ANXA7: variants seen among roughly 807,000 people sequenced by gnomAD.
ANXA7 encodes the protein annexin VII.
A neutral mutation model predicts 64.9 loss-of-function variants in ANXA7; 55 were observed. That is an observed-to-expected ratio of 0.85 (90% CI 0.68 to 1.06). The LOEUF (loss-of-function observed/expected upper bound fraction) is 1.06. Ranked by LOEUF, ANXA7 falls within the 50% of genes least tolerant of loss-of-function variation. ANXA7 has a pLI of 0.00. For synonymous variants in ANXA7, 200 were observed against 192.4 expected, an observed-to-expected ratio of 1.04 and a Z score of -0.33; for missense variants, 548 against 582.1, an observed-to-expected ratio of 0.94 and a Z score of 0.60.
chr10:73,397,904 T>C (rs2055601564), intron 3 of ANXA7, among the ~76,000 whole-genome samples: 1 of 152,192 alleles, frequency 6.6e-6, no homozygotes, highest in Admixed American at 6.5e-5. Context: ...AATCAGGTCT[T>C]AAGACTACAA....
chr10:73,404,604 G>A (rs537833988), intron 1 of ANXA7, among the ~76,000 whole-genome samples: 1 of 152,126 alleles, frequency 6.6e-6, no homozygotes, highest in Non-Finnish European at 1.5e-5. Flanking sequence ...AACTGCTCAC[G>A]CTGGGTGATG....
chr10:73,398,795 CATA>C (rs766276216), intron 2 of ANXA7, among the ~76,000 whole-genome samples: 3 of 152,092 alleles, frequency 2.0e-5, no homozygotes, highest in Non-Finnish European at 4.4e-5. Flanking sequence ...GGATCTGTTA[CATA>C]ATATTTAAAA....
intron 2 of ANXA7, among the ~76,000 whole-genome samples, chr10:73,399,387 C>A (rs779998414): frequency 2.0e-5 from 3 of 152,192 alleles, no homozygotes; most frequent in South Asian, 4.1e-4. Context: ...GGGAACATAT[C>A]CATAATTCTC....
At chr10:73,395,786 C>CAAAAAAAAAA (rs10718150) in intron 5 of ANXA7, 2 of 368,068 alleles carry the variant, frequency 5.4e-6, no homozygotes, top group Admixed American at 4.2e-5. Flanking sequence ...AACTCCATCT[C>CAAAAAAAAAA]AAAAAAAAAA....
intron 5 of ANXA7, among the ~76,000 whole-genome samples, chr10:73,389,909 G>A (rs139946799): frequency 1.3e-5 from 2 of 152,278 alleles, no homozygotes; most frequent in Admixed American, 6.5e-5. Context: ...ACAGGTGTGC[G>A]GCCAGCCCAG....
At chr10:73,401,119 T>A (rs989968110) in intron 1 of ANXA7, among the ~76,000 whole-genome samples, 3 of 152,080 alleles carry the variant, frequency 2.0e-5, no homozygotes. Context: ...TTGGCCAGGA[T>A]TGTCTCAATC....
At chr10:73,413,258 G>A (rs2055872266) in intron 1 of ANXA7, among the ~76,000 whole-genome samples, 1 of 152,190 alleles carries the variant, frequency 6.6e-6, no homozygotes, top group Admixed American at 6.5e-5. Flanking sequence ...TTGCCTGGAA[G>A]GTAACTCATT....
chr10:73,380,623 G>C (rs142975103), intron 9 of ANXA7, among the ~76,000 whole-genome samples: 442 of 152,192 alleles, frequency 2.9e-3, no homozygotes, highest in African/African-American at 9.5e-3. Context: ...TCATGCATAT[G>C]CTTCATTTCT....
chr10:73,400,325 T>C (rs960940513), intron 2 of ANXA7, among the ~76,000 whole-genome samples: 1 of 152,106 alleles, frequency 6.6e-6, no homozygotes, highest in Non-Finnish European at 1.5e-5. Flanking sequence ...AGCCAAGCCG[T>C]TAATTATTTT....
chr10:73,393,660 A>T lies in ANXA7; in HGVS notation c.435+2859T>A, dbSNP rs868468945. Among the ~76,000 whole-genome samples the T allele has an allele frequency of 1.5e-3, 233 of 152,348 alleles. 1 individual carries two copies. Among genetic ancestry groups the T allele is most frequent in the South Asian group, 4.1e-3 (20 of 4,826 alleles). ...CTGGGAAAACTGGCTAGCCATATGT[A>T]GAAAGCTGAAACTGGATCCCTTCCT... is the stretch of plus-strand genomic sequence containing the variant. On this transcript the variant is annotated intron_variant, in intron 5 of 12. Transcript: ENST00000372921.
chr10:73,394,661 G>C (rs1589656966), intron 5 of ANXA7, among the ~76,000 whole-genome samples: 1 of 152,152 alleles, frequency 6.6e-6, no homozygotes, highest in Non-Finnish European at 1.5e-5. Flanking sequence ...ACTGAACAAT[G>C]AGAACACTTG....
At chr10:73,413,512 C>T (rs1391868193) in intron 1 of ANXA7, among the ~76,000 whole-genome samples, 1 of 152,222 alleles carries the variant, frequency 6.6e-6, no homozygotes, top group Admixed American at 6.5e-5. Flanking sequence ...TCTAGAATAG[C>T]TTCCAAGAAC....
chr10:73,390,693 AATATATATATATAT>A (rs142703167), intron 5 of ANXA7, among the ~76,000 whole-genome samples: 1 of 127,474 alleles, frequency 7.8e-6, no homozygotes, highest in Non-Finnish European at 1.6e-5. Context: ...TCTTTTGTAA[AATATATATATATAT>A]ATATATATAT....
At chr10:73,411,948 G>C (rs1431064810) in intron 1 of ANXA7, among the ~76,000 whole-genome samples, 1 of 151,914 alleles carries the variant, frequency 6.6e-6, no homozygotes, top group African/African-American at 2.4e-5. Flanking sequence ...TTGACTTATA[G>C]AATATCCCTG....
At chr10:73,389,981 G>C (rs149432040) in intron 5 of ANXA7, among the ~76,000 whole-genome samples, 2,580 of 152,266 alleles carry the variant, frequency 0.017, 38 homozygotes, top group Middle Eastern at 0.065. Context: ...GGATGAAGAT[G>C]ATGCTCCACT....
rs1346963705 is a variant in ANXA7, at chr10:73,383,232, C to G, written c.861G>C (p.Lys287Asn). Residue 287 changes from lysine (K) to asparagine (N), a missense_variant, in exon 9 of 13, where the codon AAG (lysine) becomes AAC (asparagine). Transcript: ENST00000372921. ...GTCCTGATGTATCTGACCTAATGTCCTTTTCAAGGTCTCGTCCAAATTCTG... is the reference window on the plus strand; with the variant it reads ...GTCCTGATGTATCTGACCTAATGTCGTTTTCAAGGTCTCGTCCAAATTCTG... ...YQSEFGRDLE[K>N]DIRSDTSGHF... is the part of the protein sequence containing the mutation. 1.2e-6 allele frequency: 2 copies of G among 1,614,020 alleles called. No homozygotes were observed. Among genetic ancestry groups the G allele is most frequent in the Non-Finnish European group, 1.7e-6 (2 of 1,180,010 alleles).
chr10:73,407,692 C>T (rs1257238500), intron 1 of ANXA7, among the ~76,000 whole-genome samples: 2 of 152,186 alleles, frequency 1.3e-5, no homozygotes, highest in Non-Finnish European at 2.9e-5. Context: ...GTGTAATGAG[C>T]ACTGTCCTAG....
intron 12 of ANXA7, among the ~76,000 whole-genome samples, chr10:73,377,933 G>GCA (rs1564519644): frequency 2.0e-5 from 3 of 150,696 alleles, no homozygotes; most frequent in East Asian, 2.0e-4. Context: ...GTGTGTGTGC[G>GCA]CGCGCGTGTG....
chr10:73,394,773 C>T (rs939928408), intron 5 of ANXA7, among the ~76,000 whole-genome samples: 6 of 152,098 alleles, frequency 3.9e-5, no homozygotes, highest in South Asian at 2.1e-4. Flanking sequence ...GACGAGTTAA[C>T]GGGTGCAGCA....
Sources: allele counts gnomAD v4.1 joint callset (sites outside exome capture counted in the v4.1 genomes callset), GRCh38; gene constraint gnomAD v4.1.1; transcripts MANE v1.5; gene names NCBI Gene and HGNC (gene_info 2026-07-23, HGNC 2026-07-21).